Variants in TEAD1 observed in about 807,000 individuals in gnomAD.
TEAD1 encodes the protein transcriptional enhancer factor TEF-1.
In TEAD1, 9 loss-of-function variants were observed where a neutral mutation model predicts 54.9. That is an observed-to-expected ratio of 0.16 (90% CI 0.10 to 0.29). The LOEUF is 0.29. TEAD1 is among the 10% of genes least tolerant of loss of function. TEAD1 has a pLI of 1.00. For synonymous variants in TEAD1, 200 were observed against 187.8 expected, an observed-to-expected ratio of 1.07 and a Z score of -0.53; for missense variants, 387 against 535.9, an observed-to-expected ratio of 0.72 and a Z score of 2.74.
Position 12,944,698 on chromosome 11 carries a change from C to T in TEAD1, c.*7476C>T, listed in dbSNP as rs949896877. Reference sequence around the variant, plus strand: ...GCTTTCTAGAAACTTTGTATTCATACGGTATCAATGAAAAATAAAGAAAAT... The same window carrying T: ...GCTTTCTAGAAACTTTGTATTCATATGGTATCAATGAAAAATAAAGAAAAT... On this transcript the variant is annotated 3_prime_UTR_variant, in exon 13 of 13. Transcript: ENST00000527636. Among the ~76,000 whole-genome samples, 3 of 151,972 alleles carry T rather than the reference C, an allele frequency of 2.0e-5. No individual in the cohort carries two copies. Among genetic ancestry groups the T allele is most frequent in the South Asian group, 2.1e-4 (1 of 4,826 alleles).
chr11:12,870,504 G>A (rs1454900629), intron 5 of TEAD1, among the ~76,000 whole-genome samples: 1 of 152,094 alleles, frequency 6.6e-6, no homozygotes, highest in East Asian at 1.9e-4. Flanking sequence ...TGTGGCCAGA[G>A]CACAGTGATT....
chr11:12,714,637 C>G (rs1005914401), intron 2 of TEAD1, among the ~76,000 whole-genome samples: 11 of 152,164 alleles, frequency 7.2e-5, no homozygotes, highest in Non-Finnish European at 1.0e-4. Context: ...GTAGTAGTTT[C>G]CTGGGGCTGC....
intron 12 of TEAD1, 83 bp from the exon 13 acceptor site, chr11:12,937,026 T>A: frequency 1.1e-6 from 1 of 938,614 alleles, no homozygotes; most frequent in Non-Finnish European, 1.7e-6. Flanking sequence ...CTTGTTCTTC[T>A]CCAATTAAGT....
rs75391424 is a variant in TEAD1, at chr11:12,749,664, G to T, written c.-54-14515G>T. On this transcript the variant is annotated intron_variant, in intron 2 of 12. Coordinates refer to ENST00000527636, the MANE Select transcript of TEAD1 (RefSeq NM_021961.6). ...CATGAGCGCATCAGACTTTCTGTCC[G>T]TACCTCTCTTGGACTGGGCGTCTTG... Among the ~76,000 whole-genome samples, 170 of 152,308 alleles carry T rather than the reference G, an allele frequency of 1.1e-3. 4 individuals carry two copies. The East Asian group carries it at 0.028, about 26-fold the overall frequency.
chr11:12,883,484 T>C (rs1232160381), intron 9 of TEAD1, among the ~76,000 whole-genome samples: 2 of 152,120 alleles, frequency 1.3e-5, no homozygotes, highest in Non-Finnish European at 2.9e-5. Flanking sequence ...TATTTAGATA[T>C]ATGATCACAA....
chr11:12,698,989 G>A (rs994272152), intron 2 of TEAD1, among the ~76,000 whole-genome samples: 4 of 151,982 alleles, frequency 2.6e-5, no homozygotes, highest in African/African-American at 9.7e-5. Flanking sequence ...TTTTTTATTT[G>A]CATACTAAAG....
intron 3 of TEAD1, among the ~76,000 whole-genome samples, chr11:12,840,212 A>T (rs1401616703): frequency 7.0e-6 from 1 of 143,030 alleles, no homozygotes; most frequent in Non-Finnish European, 1.5e-5. Flanking sequence ...GCGCCACTGC[A>T]CTCCAGCCTG....
intron 2 of TEAD1, among the ~76,000 whole-genome samples, chr11:12,762,208 T>G (rs1945116292): frequency 6.6e-6 from 1 of 152,120 alleles, no homozygotes; most frequent in Non-Finnish European, 1.5e-5. Context: ...TGTTTTGGTT[T>G]GTTTTTGTCT....
chr11:12,925,161 T>G (rs1377935057), intron 11 of TEAD1, 109 bp downstream of exon 11: 5 of 1,274,392 alleles, frequency 3.9e-6, no homozygotes, highest in African/African-American at 2.9e-5. Flanking sequence ...GCTTCTTACC[T>G]TCTGTATTAG....
chr11:12,902,251 C>T (rs956316464), intron 10 of TEAD1, 138 bp downstream of exon 10: 2 of 1,164,176 alleles, frequency 1.7e-6, no homozygotes, highest in African/African-American at 3.0e-5. Flanking sequence ...GCCAAGGGAG[C>T]ACGGACTCAC....
chr11:12,883,206 C>A, intron 9 of TEAD1, 81 bp downstream of exon 9: 1 of 1,600,150 alleles, frequency 6.2e-7, no homozygotes, highest in African/African-American at 1.3e-5. Context: ...TCTTTCTTTC[C>A]TCCTTTACCC....
intron 3 of TEAD1, among the ~76,000 whole-genome samples, chr11:12,848,528 C>T (rs1947203246): frequency 6.6e-6 from 1 of 152,196 alleles, no homozygotes; most frequent in South Asian, 2.1e-4. Context: ...CCCGACTCCA[C>T]TGCTTAATTA....
intron 2 of TEAD1, among the ~76,000 whole-genome samples, chr11:12,699,555 G>A (rs775721765): frequency 6.6e-6 from 1 of 152,094 alleles, no homozygotes; most frequent in Non-Finnish European, 1.5e-5. Context: ...ATCTTCTGTG[G>A]GGTTATTCAT....
chr11:12,726,444 G>T (rs1213321176), intron 2 of TEAD1, among the ~76,000 whole-genome samples: 1 of 152,222 alleles, frequency 6.6e-6, no homozygotes, highest in Non-Finnish European at 1.5e-5. Flanking sequence ...TGTGCACTGG[G>T]GGAGTCACCA....
At chr11:12,703,296 T>C (rs1483036429) in intron 2 of TEAD1, among the ~76,000 whole-genome samples, 1 of 152,212 alleles carries the variant, frequency 6.6e-6, no homozygotes, top group African/African-American at 2.4e-5. Flanking sequence ...TTTTTGGCTC[T>C]GCCACTGACA....
chr11:12,914,658 A>G (rs568949032), intron 10 of TEAD1, among the ~76,000 whole-genome samples: 145 of 152,254 alleles, frequency 9.5e-4, no homozygotes, highest in African/African-American at 3.4e-3. Flanking sequence ...GAGGGCGAGG[A>G]GCCTTTTAGA....
chr11:12,916,933 C>T (rs1358415296), intron 10 of TEAD1, among the ~76,000 whole-genome samples: 1 of 152,146 alleles, frequency 6.6e-6, no homozygotes, highest in African/African-American at 2.4e-5. Context: ...AAGTGTTCTT[C>T]GGTCTGTGGT....
intron 11 of TEAD1, 132 bp from the exon 12 acceptor site, chr11:12,930,042 T>C: frequency 1.0e-6 from 1 of 952,588 alleles, no homozygotes; most frequent in Admixed American, 2.1e-5. Context: ...ATTAAGTAGA[T>C]TACGTAAGTA....
intron 2 of TEAD1, among the ~76,000 whole-genome samples, chr11:12,681,662 C>T (rs761847026): frequency 2.6e-5 from 4 of 152,248 alleles, no homozygotes; most frequent in Non-Finnish European, 4.4e-5. Flanking sequence ...TGTGCATGAC[C>T]ATGTGCTCAT....
Sources: gnomAD v4.1 joint callset for allele counts (sites outside exome capture counted in the v4.1 genomes callset) on GRCh38, gnomAD v4.1.1 for gene constraint, MANE v1.5 for transcripts, NCBI Gene and HGNC (gene_info 2026-07-23, HGNC 2026-07-21) for gene names.